PAX7: variants seen among roughly 807,000 people sequenced by gnomAD.
PAX7 encodes paired box protein Pax-7.
PAX7 carries 18 observed loss-of-function variants against 50.7 expected under a neutral mutation model. The ratio of observed to expected loss-of-function variants is 0.36; its 90% CI spans 0.25 to 0.53. The LOEUF (loss-of-function observed/expected upper bound fraction) is 0.53, where lower values mean the gene tolerates loss of function less well. Ranked by LOEUF, PAX7 falls within the 20% of genes least tolerant of loss-of-function variation. PAX7 has a pLI of 0.93. For synonymous variants in PAX7, 310 were observed against 290.4 expected (o/e 1.07, Z -0.69); for missense variants, 644 against 702.9 (o/e 0.92, Z 0.95).
At chr1:18,641,306 G>A (rs980913938) in intron 4 of PAX7, among the ~76,000 whole-genome samples, 1 of 152,246 alleles carries the variant, frequency 6.6e-6, no homozygotes, top group African/African-American at 2.4e-5. Context: ...CCAGAGAGCG[G>A]GGGAAGCCGT....
In PAX7 at chr1:18,700,141, G is replaced by A. The variant is rs1214108648; in HGVS notation, c.787-512G>A. On this transcript the variant is annotated intron_variant, in intron 5 of 8. Transcript: ENST00000420770. This position sits in a 1 kb window ranked among gnomAD's most constrained non-coding sequence, Gnocchi z 4.8. ...GTTTCCTATTTCAAGGAGGCCCAGGGTGTGTAAGCAAAGTAGGGCCTCAGT... is the reference window on the plus strand; with the variant it reads ...GTTTCCTATTTCAAGGAGGCCCAGGATGTGTAAGCAAAGTAGGGCCTCAGT... 6.6e-6 allele frequency among the ~76,000 whole-genome samples: 1 copy of A among 151,814 alleles called. No homozygotes were observed. The highest frequency in any genetic ancestry group is 1.5e-5 in the Non-Finnish European group (1 of 67,968).
chr1:18,693,733 G>C (rs12723507), intron 5 of PAX7, among the ~76,000 whole-genome samples: 1 of 152,020 alleles, frequency 6.6e-6, no homozygotes, highest in Non-Finnish European at 1.5e-5. Context: ...CCTCCCTCCC[G>C]CTCTGATCCT....
chr1:18,701,400 G>A (rs955468001), intron 6 of PAX7, among the ~76,000 whole-genome samples: 2 of 151,662 alleles, frequency 1.3e-5, no homozygotes, highest in East Asian at 3.9e-4. Flanking sequence ...GTGTGTGCAT[G>A]AGTGTGTGCG....
chr1:18,679,067 G>A (rs560694860), intron 4 of PAX7, among the ~76,000 whole-genome samples: 8 of 152,272 alleles, frequency 5.3e-5, no homozygotes, highest in South Asian at 2.1e-4. Context: ...AAGGTGCTTC[G>A]TAAGGTCAAA....
chr1:18,667,050 A>G (rs2088679368), intron 4 of PAX7, among the ~76,000 whole-genome samples: 1 of 152,044 alleles, frequency 6.6e-6, no homozygotes, highest in Non-Finnish European at 1.5e-5. Context: ...GCTAAGGGCT[A>G]CCAAGTTTGG....
intron 4 of PAX7, 23 bp from the exon 5 acceptor site, chr1:18,691,731 C>T: frequency 1.3e-6 from 2 of 1,553,254 alleles, no homozygotes; most frequent in Non-Finnish European, 1.7e-6. Flanking sequence ...CCTGCCTTCT[C>T]CCTCCCTCTC....
At chr1:18,744,552 G>T (rs1931330126) in intron 8 of PAX7, among the ~76,000 whole-genome samples, 1 of 150,744 alleles carries the variant, frequency 6.6e-6, no homozygotes, top group African/African-American at 2.4e-5. Flanking sequence ...GAATGGATGG[G>T]TGGATGGAGG....
intron 4 of PAX7, among the ~76,000 whole-genome samples, chr1:18,664,029 G>C (rs1264166162): frequency 1.3e-5 from 2 of 152,232 alleles, no homozygotes; most frequent in African/African-American, 4.8e-5. Flanking sequence ...TTCCAGGGCT[G>C]CAATTCACTT....
At chr1:18,640,226 C>T (rs1286152992) in intron 4 of PAX7, among the ~76,000 whole-genome samples, 5 of 152,140 alleles carry the variant, frequency 3.3e-5, no homozygotes, top group African/African-American at 7.2e-5. Flanking sequence ...CGGTTTTAGA[C>T]ACTTGTAAAA....
chr1:18,704,055 G>A (rs1214492308), intron 7 of PAX7, among the ~76,000 whole-genome samples: 4 of 152,164 alleles, frequency 2.6e-5, no homozygotes, highest in African/African-American at 7.2e-5. Context: ...TAACAGGTCA[G>A]AGCACCTAGC....
intron 4 of PAX7, among the ~76,000 whole-genome samples, chr1:18,673,869 G>A (rs191246405): frequency 2.6e-5 from 4 of 152,332 alleles, no homozygotes; most frequent in Admixed American, 2.0e-4. Flanking sequence ...GGAAGCAGAA[G>A]GGGGAATTCG....
chr1:18,744,976 A>C lies in PAX7; in HGVS notation c.*47A>C. On this transcript the variant is annotated 3_prime_UTR_variant, in exon 9 of 9. Transcript: ENST00000420770. ...CAGCCCAATTCCCAGCCCAACCCTAACTGACCCCTGAGCTTCCCAGCCTTG... is the reference window on the plus strand; with the variant it reads ...CAGCCCAATTCCCAGCCCAACCCTACCTGACCCCTGAGCTTCCCAGCCTTG... The C allele has an allele frequency of 8.8e-7, 1 of 1,140,506 alleles. No homozygotes were observed. The highest frequency in any genetic ancestry group is 1.3e-6 in the Non-Finnish European group (1 of 775,652). The allele number at this position is 1,140,506 out of a possible 1,614,324, so 70.6% of individuals were successfully genotyped here.
intron 5 of PAX7, among the ~76,000 whole-genome samples, chr1:18,693,976 G>A (rs552854795): frequency 1.3e-5 from 2 of 152,216 alleles, no homozygotes; most frequent in African/African-American, 4.8e-5. Context: ...GCCATCCTGA[G>A]GGGGCGGGGC....
intron 4 of PAX7, among the ~76,000 whole-genome samples, chr1:18,666,813 C>G (rs1331234885): frequency 1.3e-5 from 2 of 152,202 alleles, no homozygotes; most frequent in African/African-American, 4.8e-5. Flanking sequence ...GTCAAGGCCT[C>G]GGGCCTCTCA....
intron 7 of PAX7, among the ~76,000 whole-genome samples, chr1:18,730,976 G>A (rs2089639257): frequency 1.3e-5 from 2 of 152,298 alleles, no homozygotes; most frequent in South Asian, 4.1e-4. Context: ...ACGGCTGTCT[G>A]TCAGCCTGAC....
intron 4 of PAX7, among the ~76,000 whole-genome samples, chr1:18,667,443 GAAGGA>G (rs1350279324): frequency 1.4e-5 from 2 of 147,920 alleles, no homozygotes; most frequent in African/African-American, 5.0e-5. Context: ...AGGAAGGAAG[GAAGGA>G]AGGAGCTTTG....
In PAX7 at chr1:18,726,949, C is replaced by G. The variant is rs954708493; in HGVS notation, c.1156-8683C>G. ...CACGTATCCTCTGAGCTTCCAAGGT[C>G]CCCGAGCTTCAGCCTGTACTCTGGG... is the stretch of plus-strand genomic sequence containing the variant. On this transcript the variant is annotated intron_variant, in intron 7 of 8. Transcript: ENST00000420770. The surrounding 1 kb of genome is among the most constrained non-coding windows in gnomAD (Gnocchi z 4.8). Among the ~76,000 whole-genome samples the G allele has an allele frequency of 2.7e-4, 41 of 152,188 alleles. 1 individual carries two copies. The highest frequency in any genetic ancestry group is 5.6e-4 in the Non-Finnish European group (38 of 68,036).
Position 18,636,509 on chromosome 1 carries a change from G to C in PAX7, c.586+138G>C. On this transcript the variant is annotated intron_variant, in intron 4 of 8. Coordinates refer to ENST00000420770, the MANE Select transcript of PAX7 (RefSeq NM_001135254.2). This position sits in a 1 kb window ranked among gnomAD's most constrained non-coding sequence, Gnocchi z 5.1. ...AAACTCTCATGCTGCGGGGCAGCTG[G>C]GAGCCGCTCAGGCTTTGCCGACAGC... The C allele has an allele frequency of 8.7e-7, 1 of 1,153,088 alleles. No homozygotes were observed. The highest frequency in any genetic ancestry group is 1.2e-6 in the Non-Finnish European group (1 of 818,308). The allele number at this position is 1,153,088 out of a possible 1,614,324, so 71.4% of individuals were successfully genotyped here. A position where few individuals can be genotyped will look rare whatever the true frequency, so the allele number is the denominator to read the frequency against.
intron 4 of PAX7, among the ~76,000 whole-genome samples, chr1:18,642,996 G>A (rs562908796): frequency 1.6e-4 from 25 of 152,034 alleles, no homozygotes; most frequent in African/African-American, 5.5e-4. Flanking sequence ...TGTGGGGAGG[G>A]GATGCGAAGG....
Sources: allele counts gnomAD v4.1 joint callset (sites outside exome capture counted in the v4.1 genomes callset), GRCh38; gene constraint gnomAD v4.1.1; non-coding constraint Gnocchi (gnomAD v3.1); transcripts MANE v1.5; gene names NCBI Gene and HGNC (gene_info 2026-07-23, HGNC 2026-07-21).